The following CFAP54 variants were observed in gnomAD, a reference collection of about 807,000 sequenced individuals.
CFAP54 encodes cilia- and flagella-associated protein 54.
A neutral mutation model predicts 370.4 loss-of-function variants in CFAP54; 290 were observed. The observed-to-expected ratio is 0.78, with a 90% CI of 0.71 to 0.86. CFAP54 has a LOEUF of 0.86. CFAP54 is among the 40% of genes least tolerant of loss of function. The pLI, the probability that CFAP54 is intolerant of heterozygous loss-of-function variation, is 0.00. For synonymous variants in CFAP54, 1,206 were observed against 1,236.5 expected, an observed-to-expected ratio of 0.98 and a Z score of 0.52; for missense variants, 3,399 against 3,528.7, an observed-to-expected ratio of 0.96 and a Z score of 0.93.
intron 3 of CFAP54, among the ~76,000 whole-genome samples, chr12:96,505,610 C>T (rs920617073): frequency 6.6e-6 from 1 of 150,518 alleles, no homozygotes; most frequent in South Asian, 2.1e-4. Flanking sequence ...CCAAGTGATT[C>T]ACCTGCCTCA....
chr12:96,572,925 A>G, intron 19 of CFAP54: 3 of 985,462 alleles, frequency 3.0e-6, no homozygotes, highest in Non-Finnish European at 3.6e-6. Flanking sequence ...ATGTGCAGAA[A>G]GAAGATGCAA....
chr12:96,589,251 C>T (rs1293785858), intron 22 of CFAP54, among the ~76,000 whole-genome samples, 176 bp from the exon 23 acceptor site: 2 of 152,148 alleles, frequency 1.3e-5, no homozygotes, highest in Non-Finnish European at 2.9e-5. Flanking sequence ...TGCCATTGGC[C>T]GTTACCTGAC....
intron 26 of CFAP54, 43 bp downstream of exon 26, chr12:96,598,810 C>A: frequency 6.6e-6 from 3 of 452,352 alleles, no homozygotes; most frequent in South Asian, 5.2e-5. Flanking sequence ...TATTTAGGAG[C>A]GATGATGATT....
rs535973331 is a variant in CFAP54, at chr12:96,777,600, C to T, written c.8282-7117C>T. On this transcript the variant is annotated intron_variant, in intron 60 of 67. Transcript: ENST00000524981. ...CTGATCTCAGGAGATCCACCCACCT[C>T]GGCCTCCCAAAGTGCTGGGATTACA... 5.3e-5 allele frequency among the ~76,000 whole-genome samples: 8 copies of T among 152,256 alleles called. No homozygotes were observed. The South Asian group carries it at 8.3e-4, about 16-fold the overall frequency.
intron 65 of CFAP54, 87 bp downstream of exon 65, chr12:96,818,000 T>G: frequency 6.1e-6 from 6 of 978,908 alleles, no homozygotes; most frequent in African/African-American, 1.7e-5. Flanking sequence ...ACTTAAACTC[T>G]GTAATTCTTC....
intron 17 of CFAP54, among the ~76,000 whole-genome samples, chr12:96,563,760 G>T (rs564847002): frequency 6.6e-6 from 1 of 152,128 alleles, no homozygotes; most frequent in African/African-American, 2.4e-5. Context: ...AGCTACCCTC[G>T]CATATCTCCA....
At chr12:96,613,862 C>T (rs535506999) in intron 26 of CFAP54, among the ~76,000 whole-genome samples, 1 of 152,192 alleles carries the variant, frequency 6.6e-6, no homozygotes, top group East Asian at 1.9e-4. Flanking sequence ...GAAATTGAGG[C>T]AATAATTAAT....
chr12:96,685,011 GCTTTGTCT>G lies in CFAP54; in HGVS notation c.5805-15_5805-8del. On this transcript the variant is annotated splice_polypyrimidine_tract_variant and intron_variant, in intron 41 of 67. Coordinates refer to ENST00000524981, the MANE Select transcript of CFAP54 (RefSeq NM_001306084.2). ...GGTCTCAGAAAACTTACTGCTTGATGCTTTGTCTCTGTTTTAGGGCTGCTTTTAAGTGT... is the reference window on the plus strand; with the variant it reads ...GGTCTCAGAAAACTTACTGCTTGATGCTGTTTTAGGGCTGCTTTTAAGTGT... 1 of 1,611,626 alleles carries G rather than the reference GCTTTGTCT, an allele frequency of 6.2e-7. No individual in the cohort carries two copies. The highest frequency in any genetic ancestry group is 8.5e-7 in the Non-Finnish European group (1 of 1,178,412).
intron 67 of CFAP54, among the ~76,000 whole-genome samples, chr12:96,870,542 G>A (rs1328711368): frequency 6.6e-6 from 1 of 152,152 alleles, no homozygotes; most frequent in Non-Finnish European, 1.5e-5. Context: ...AAAGCACCTA[G>A]AACAATGTCC....
chr12:96,637,748 ATAAT>A (rs1017409609), intron 32 of CFAP54, among the ~76,000 whole-genome samples: 24 of 152,252 alleles, frequency 1.6e-4, no homozygotes, highest in Non-Finnish European at 3.2e-4. Flanking sequence ...AAACTGAAAA[ATAAT>A]TAATGAGGAA....
rs897354480 is a variant in CFAP54, at chr12:96,693,811, A to G, written c.6351+3A>G. 1.0e-5 allele frequency: 16 copies of G among 1,543,144 alleles called. No homozygotes were observed. The African/African-American group carries it at 1.5e-4, about 15-fold the overall frequency. On this transcript the variant is annotated splice_donor_region_variant and intron_variant, in intron 45 of 67. Coordinates refer to ENST00000524981, the MANE Select transcript of CFAP54 (RefSeq NM_001306084.2). ...ATCTAGAAGCAAGAATCCTCAAGGTATGTTACAAGCTTTTAAGACATTTGA... is the reference window on the plus strand; with the variant it reads ...ATCTAGAAGCAAGAATCCTCAAGGTGTGTTACAAGCTTTTAAGACATTTGA...
intron 63 of CFAP54, among the ~76,000 whole-genome samples, chr12:96,807,615 C>T (rs1219882700): frequency 6.6e-6 from 1 of 152,150 alleles, no homozygotes; most frequent in Non-Finnish European, 1.5e-5. Context: ...TATTTCTCCT[C>T]CTGAATCCAC....
intron 60 of CFAP54, among the ~76,000 whole-genome samples, chr12:96,766,347 A>G (rs10128855): frequency 0.36 from 55,221 of 151,858 alleles, 10,799 homozygotes; most frequent in East Asian, 0.58. Context: ...CAGCCTGAAC[A>G]TCAGACTGGG....
At chr12:96,730,255 A>G (rs1244121828) in intron 50 of CFAP54, among the ~76,000 whole-genome samples, 1 of 152,206 alleles carries the variant, frequency 6.6e-6, no homozygotes, top group African/African-American at 2.4e-5. Flanking sequence ...TCCTGACATC[A>G]TAGAGCTGGA....
At chr12:96,644,480 T>C (rs888666592) in intron 33 of CFAP54, 72 bp downstream of exon 33, 2 of 1,077,202 alleles carry the variant, frequency 1.9e-6, no homozygotes. Context: ...TGTTCAGAGC[T>C]CCAATGGTGC....
rs1016508008 is a variant in CFAP54, at chr12:96,606,296, C to T, written c.3639+7529C>T. Among the ~76,000 whole-genome samples, 8 of 152,092 alleles carry T rather than the reference C, an allele frequency of 5.3e-5. No homozygotes were observed. In the East Asian group the frequency reaches 1.2e-3, roughly 22 times the overall value. ...GAGGTTCATGACCAATTTTAGCCTA[C>T]AGTTGAGTGGGCAGGTTTCAGCAGG... On this transcript the variant is annotated intron_variant, in intron 26 of 67. Transcript: ENST00000524981.
chr12:96,585,085 G>C (rs115313693), intron 22 of CFAP54, among the ~76,000 whole-genome samples: 2,209 of 151,538 alleles, frequency 0.015, 63 homozygotes, highest in African/African-American at 0.051. Flanking sequence ...GCCCAGGCTG[G>C]AATGCCGCTG....
chr12:96,649,052 T>C (rs1328537883), intron 34 of CFAP54, among the ~76,000 whole-genome samples: 1 of 152,246 alleles, frequency 6.6e-6, no homozygotes, highest in Non-Finnish European at 1.5e-5. Flanking sequence ...CTTTAGGCTC[T>C]TACATACTCA....
intron 60 of CFAP54, among the ~76,000 whole-genome samples, chr12:96,774,305 A>G (rs34471): frequency 0.15 from 22,476 of 152,162 alleles, 2,034 homozygotes; most frequent in Middle Eastern, 0.26. Context: ...ATTTATTTCT[A>G]TATAGTAGAA....
Sources: allele counts gnomAD v4.1 joint callset (sites outside exome capture counted in the v4.1 genomes callset), GRCh38; gene constraint gnomAD v4.1.1; transcripts MANE v1.5; gene names NCBI Gene and HGNC (gene_info 2026-07-23, HGNC 2026-07-21).